Variants in NXPH2 observed in about 807,000 individuals in gnomAD.
NXPH2 encodes the protein neurexophilin 2.
In NXPH2, 5 loss-of-function variants were observed where a neutral mutation model predicts 19.8. The observed-to-expected ratio is 0.25, with a 90% CI of 0.13 to 0.53. The LOEUF (loss-of-function observed/expected upper bound fraction) is 0.53, where lower values mean the gene tolerates loss of function less well. Ranked by LOEUF, NXPH2 falls within the 20% of genes least tolerant of loss-of-function variation. The probability of loss-of-function intolerance (pLI) is 0.96; values close to 1 mark genes in which losing one functional copy is unlikely to be tolerated. For missense variants in NXPH2, 289 were observed against 322.8 expected, an observed-to-expected ratio of 0.90 and a Z score of 0.80; for synonymous variants, 154 against 127.4, an observed-to-expected ratio of 1.21 and a Z score of -1.41.
At chr2:138,769,866 C>T (rs1039672814) in intron 1 of NXPH2, among the ~76,000 whole-genome samples, 1 of 152,086 alleles carries the variant, frequency 6.6e-6, no homozygotes, top group African/African-American at 2.4e-5. Context: ...GAAGGCACTC[C>T]CCTAGCTACC....
At chr2:138,700,825 A>T (rs1055810848) in intron 1 of NXPH2, among the ~76,000 whole-genome samples, 2 of 151,906 alleles carry the variant, frequency 1.3e-5, no homozygotes, top group African/African-American at 2.4e-5. Flanking sequence ...TTAAACTGTA[A>T]TTATGTGTTG....
At chr2:138,753,599 T>C (rs990339881) in intron 1 of NXPH2, among the ~76,000 whole-genome samples, 3 of 152,156 alleles carry the variant, frequency 2.0e-5, no homozygotes, top group Admixed American at 6.6e-5. Context: ...TGTAAATATA[T>C]ACATATATCT....
At chr2:138,686,443 A>G (rs1331303298) in intron 1 of NXPH2, among the ~76,000 whole-genome samples, 2 of 152,234 alleles carry the variant, frequency 1.3e-5, no homozygotes, top group African/African-American at 4.8e-5. Flanking sequence ...ATTTTCTAAA[A>G]TGCAAATTTA....
At chr2:138,709,778 A>G (rs1400185146) in intron 1 of NXPH2, among the ~76,000 whole-genome samples, 2 of 152,184 alleles carry the variant, frequency 1.3e-5, no homozygotes, top group Non-Finnish European at 2.9e-5. Context: ...CTATTTTCAG[A>G]TCAGTGTCTT....
At chr2:138,721,669 C>T (rs1234159263) in intron 1 of NXPH2, among the ~76,000 whole-genome samples, 1 of 152,016 alleles carries the variant, frequency 6.6e-6, no homozygotes, top group Non-Finnish European at 1.5e-5. Flanking sequence ...TAGAAAAAGA[C>T]TATGTTTAAT....
chr2:138,695,665 A>T (rs1027593766), intron 1 of NXPH2, among the ~76,000 whole-genome samples: 19 of 152,292 alleles, frequency 1.2e-4, no homozygotes, highest in East Asian at 3.9e-4. Context: ...ATAAACTGAT[A>T]AACTATTTGA....
rs182691104 is a variant in NXPH2 at position 138,687,594 on chromosome 2, C to T, written c.52-15929G>A. Among the ~76,000 whole-genome samples the T allele has an allele frequency of 1.9e-3, 293 of 152,216 alleles. 1 individual carries two copies. Among genetic ancestry groups the T allele is most frequent in the Non-Finnish European group, 3.3e-3 (226 of 68,014 alleles). On this transcript the variant is annotated intron_variant, in intron 1 of 1. Transcript: ENST00000272641. ...TCAATTTTGGCTTTTGTTTCTATTG[C>T]TTTTGGTGTTTTAGACATGAAGTCC...
At position 138,775,579 on chromosome 2, in the gene NXPH2, G is replaced by A. The variant is rs567916119; in HGVS notation, c.51+4612C>T. On this transcript the variant is annotated intron_variant, in intron 1 of 1. Transcript: ENST00000272641. ...ACGAAATAGTGTTAGAAAATCTTACGGCAGTACAATATATATGTTAACTGG... is the reference window on the plus strand; with the variant it reads ...ACGAAATAGTGTTAGAAAATCTTACAGCAGTACAATATATATGTTAACTGG... 2.6e-5 allele frequency among the ~76,000 whole-genome samples: 4 copies of A among 152,040 alleles called. No individual in the cohort carries two copies. The South Asian group carries it at 6.2e-4, about 24-fold the overall frequency.
At chr2:138,729,447 C>A (rs1264314002) in intron 1 of NXPH2, among the ~76,000 whole-genome samples, 1 of 152,162 alleles carries the variant, frequency 6.6e-6, no homozygotes, top group Non-Finnish European at 1.5e-5. Context: ...AACTGTGAGG[C>A]AATTAAACCT....
intron 1 of NXPH2, among the ~76,000 whole-genome samples, chr2:138,720,061 T>C (rs1391865207): frequency 2.6e-5 from 4 of 152,068 alleles, no homozygotes; most frequent in African/African-American, 9.7e-5. Context: ...TTTCAAATCA[T>C]TCAATCCAGT....
rs1037670067 is a variant in NXPH2, at chr2:138,669,252, T to A, written c.*1670A>T. Among the ~76,000 whole-genome samples the A allele has an allele frequency of 6.6e-6, 1 of 152,152 alleles. No individual in the cohort carries two copies. The highest frequency in any genetic ancestry group is 1.5e-5 in the Non-Finnish European group (1 of 68,024). The stretch of plus-strand genomic sequence containing the variant: ...AAAATTCTAAGTATATATATATAGA[T>A]ATATGATTCCCACATATTTTACAAT... On this transcript the variant is annotated 3_prime_UTR_variant, in exon 2 of 2. Transcript: ENST00000272641.
intron 1 of NXPH2, among the ~76,000 whole-genome samples, chr2:138,771,380 AC>A (rs1224074520): frequency 2.6e-5 from 4 of 152,152 alleles, no homozygotes; most frequent in Admixed American, 1.3e-4. Flanking sequence ...GGAAAGACAT[AC>A]GTTAAACTAT....
At chr2:138,698,581 G>A (rs1680865216) in intron 1 of NXPH2, among the ~76,000 whole-genome samples, 1 of 152,158 alleles carries the variant, frequency 6.6e-6, no homozygotes, top group South Asian at 2.1e-4. Flanking sequence ...AGGGCCAGGC[G>A]TGGTGACTCA....
At chr2:138,684,108 T>G (rs1042566638) in intron 1 of NXPH2, among the ~76,000 whole-genome samples, 1 of 152,214 alleles carries the variant, frequency 6.6e-6, no homozygotes, top group Admixed American at 6.5e-5. Context: ...TTACAGAGCC[T>G]TCACAAATAA....
chr2:138,721,988 A>G (rs1307526897), intron 1 of NXPH2, among the ~76,000 whole-genome samples: 2 of 152,228 alleles, frequency 1.3e-5, no homozygotes, highest in Non-Finnish European at 2.9e-5. Flanking sequence ...CAGTAGAAAG[A>G]GCACAGGCTA....
chr2:138,713,718 C>CAGT (rs1681144573), intron 1 of NXPH2, among the ~76,000 whole-genome samples: 2 of 151,940 alleles, frequency 1.3e-5, no homozygotes. Context: ...TGGGACCAGG[C>CAGT]AGTAGAACTG....
chr2:138,747,691 C>G lies in NXPH2; in HGVS notation c.51+32500G>C, dbSNP rs894453964. ...GATCTTTTATCTGAATTCAGTCACT[C>G]TGGCTGGGCCTACCCTTCCTGTTAC... is the stretch of plus-strand genomic sequence containing the variant. On this transcript the variant is annotated intron_variant, in intron 1 of 1. Coordinates refer to ENST00000272641, the MANE Select transcript of NXPH2 (RefSeq NM_007226.3). Among the ~76,000 whole-genome samples, 4 of 152,196 alleles carry G rather than the reference C, an allele frequency of 2.6e-5. No individual in the cohort carries two copies. In the South Asian group the frequency reaches 6.2e-4, roughly 24 times the overall value.
At chr2:138,682,652 A>G (rs899145853) in intron 1 of NXPH2, among the ~76,000 whole-genome samples, 1 of 152,224 alleles carries the variant, frequency 6.6e-6, no homozygotes, top group Non-Finnish European at 1.5e-5. Flanking sequence ...ATCTTTTAAT[A>G]GCTACCCTTT....
At chr2:138,702,814 T>C (rs1377047221) in intron 1 of NXPH2, among the ~76,000 whole-genome samples, 1 of 152,148 alleles carries the variant, frequency 6.6e-6, no homozygotes, top group Non-Finnish European at 1.5e-5. Flanking sequence ...TTTAAATCTT[T>C]GAGCAGACAA....
Sources: gnomAD v4.1 joint callset for allele counts (sites outside exome capture counted in the v4.1 genomes callset) on GRCh38, gnomAD v4.1.1 for gene constraint, MANE v1.5 for transcripts, NCBI Gene and HGNC (gene_info 2026-07-23, HGNC 2026-07-21) for gene names.